Variants in ZNF804B observed in about 807,000 individuals in gnomAD.
ZNF804B encodes the protein zinc finger 804B.
In ZNF804B, 80 loss-of-function variants were observed where a neutral mutation model predicts 101.4. That is an observed-to-expected ratio of 0.79 (90% CI 0.66 to 0.95). The LOEUF (loss-of-function observed/expected upper bound fraction) is 0.95, where lower values mean the gene tolerates loss of function less well. Among genes scored for constraint, ZNF804B ranks in the 40% least tolerant of loss-of-function variants. The pLI is 0.00. For missense variants in ZNF804B, 1,673 were observed against 1,561.9 expected (o/e 1.07, Z -1.20); for synonymous variants, 622 against 558.8 (o/e 1.11, Z -1.59).
chr7:89,280,134 T>C (rs1186231062), intron 2 of ZNF804B, among the ~76,000 whole-genome samples: 1 of 152,164 alleles, frequency 6.6e-6, no homozygotes, highest in African/African-American at 2.4e-5. Flanking sequence ...ACATGGAAAC[T>C]GAACAACCTG....
intron 1 of ZNF804B, among the ~76,000 whole-genome samples, chr7:89,043,892 T>C (rs902354706): frequency 2.4e-4 from 36 of 152,138 alleles, no homozygotes; most frequent in African/African-American, 8.2e-4. Flanking sequence ...TATTAAGAGA[T>C]ATCAGGAGCT....
intron 1 of ZNF804B, among the ~76,000 whole-genome samples, chr7:88,996,945 G>A (rs1788209468): frequency 6.6e-6 from 1 of 151,984 alleles, no homozygotes; most frequent in South Asian, 2.1e-4. Flanking sequence ...AGATGGACAC[G>A]GTAAAAGTTA....
chr7:88,852,788 A>C (rs1317475546), intron 1 of ZNF804B, among the ~76,000 whole-genome samples: 1 of 152,124 alleles, frequency 6.6e-6, no homozygotes, highest in African/African-American at 2.4e-5. Flanking sequence ...GCAAATTCAC[A>C]CATCTAGTAA....
chr7:88,919,765 T>A (rs1792692315), intron 1 of ZNF804B, among the ~76,000 whole-genome samples: 1 of 152,136 alleles, frequency 6.6e-6, no homozygotes, highest in Non-Finnish European at 1.5e-5. Context: ...ATTTCCCTAC[T>A]GTAATAATTC....
At chr7:89,223,004 G>A (rs1468508223) in intron 2 of ZNF804B, among the ~76,000 whole-genome samples, 2 of 151,830 alleles carry the variant, frequency 1.3e-5, no homozygotes, top group East Asian at 1.9e-4. Flanking sequence ...GAGTTACACT[G>A]AAGTAAATCA....
intron 1 of ZNF804B, among the ~76,000 whole-genome samples, chr7:88,812,949 C>CAAAAAAAA (rs1054434393): frequency 7.7e-6 from 1 of 129,730 alleles, no homozygotes. Context: ...TTCTATTTTG[C>CAAAAAAAA]AAAAAAAAAA....
intron 2 of ZNF804B, among the ~76,000 whole-genome samples, chr7:89,272,692 G>C (rs999958911): frequency 1.3e-5 from 2 of 152,068 alleles, no homozygotes; most frequent in African/African-American, 4.8e-5. Context: ...GCAAGTCTCA[G>C]AGAGTTGGAG....
rs912866887 is a variant in ZNF804B at position 89,220,055 on chromosome 7, A to G, written c.249+1760A>G. Among the ~76,000 whole-genome samples, 328 of 120,176 alleles carry G rather than the reference A, an allele frequency of 2.7e-3. 30 individuals carry two copies. The highest frequency in any genetic ancestry group is 5.4e-3 in the East Asian group (26 of 4,844). 78.8% of individuals were successfully genotyped at this position (120,176 alleles called of 152,430 possible). ...TACGCACATATATGTGCATATATAC[A>G]TATATACGCACATATATGTGTATAT... On this transcript the variant is annotated intron_variant, in intron 2 of 3. Transcript: ENST00000333190.
At chr7:88,835,019 A>T (rs909252115) in intron 1 of ZNF804B, among the ~76,000 whole-genome samples, 3 of 151,828 alleles carry the variant, frequency 2.0e-5, no homozygotes, top group Admixed American at 1.3e-4. Context: ...GAACTTTCAG[A>T]GGTCTCCTAC....
chr7:88,882,269 A>G (rs1792053668), intron 1 of ZNF804B, among the ~76,000 whole-genome samples: 1 of 152,208 alleles, frequency 6.6e-6, no homozygotes, highest in Non-Finnish European at 1.5e-5. Flanking sequence ...AATATATTAA[A>G]AAATGCTCAA....
chr7:89,266,286 G>T (rs1376712666), intron 2 of ZNF804B, among the ~76,000 whole-genome samples: 1 of 151,810 alleles, frequency 6.6e-6, no homozygotes, highest in African/African-American at 2.4e-5. Flanking sequence ...CTCATCATCA[G>T]CCAGCTATGA....
chr7:88,996,509 G>A (rs1264066637), intron 1 of ZNF804B, among the ~76,000 whole-genome samples: 1 of 151,982 alleles, frequency 6.6e-6, no homozygotes, highest in Non-Finnish European at 1.5e-5. Flanking sequence ...TTTCTCAAGA[G>A]GTTATCAGCT....
At chr7:89,251,673 G>A (rs776395292) in intron 2 of ZNF804B, among the ~76,000 whole-genome samples, 8 of 151,828 alleles carry the variant, frequency 5.3e-5, no homozygotes, top group South Asian at 2.1e-4. Context: ...TAACCAAAAC[G>A]GTATGGTATT....
At chr7:89,175,939 T>C (rs1213656642) in intron 1 of ZNF804B, among the ~76,000 whole-genome samples, 1 of 152,050 alleles carries the variant, frequency 6.6e-6, no homozygotes, top group East Asian at 1.9e-4. Flanking sequence ...AATTTGTTGA[T>C]TAGTTCTAAT....
intron 2 of ZNF804B, among the ~76,000 whole-genome samples, chr7:89,286,823 A>G (rs1790206142): frequency 6.6e-6 from 1 of 152,228 alleles, no homozygotes; most frequent in African/African-American, 2.4e-5. Context: ...TTGATACTAA[A>G]TAAAAATATT....
chr7:88,839,598 C>T (rs1475080813), intron 1 of ZNF804B, among the ~76,000 whole-genome samples: 2 of 151,660 alleles, frequency 1.3e-5, no homozygotes, highest in Non-Finnish European at 2.9e-5. Flanking sequence ...TAATTAGATC[C>T]ATCTATAAGC....
At chr7:88,877,876 G>A (rs1051777270) in intron 1 of ZNF804B, among the ~76,000 whole-genome samples, 1 of 152,030 alleles carries the variant, frequency 6.6e-6, no homozygotes, top group Non-Finnish European at 1.5e-5. Context: ...GTGATAATAT[G>A]TTACTCGTTT....
chr7:88,996,276 A>T (rs1178974976), intron 1 of ZNF804B, among the ~76,000 whole-genome samples: 1 of 152,146 alleles, frequency 6.6e-6, no homozygotes, highest in Non-Finnish European at 1.5e-5. Context: ...GCATAGAAAT[A>T]GTGACCCTAT....
chr7:89,112,967 C>T (rs1790243332), intron 1 of ZNF804B, among the ~76,000 whole-genome samples: 1 of 152,162 alleles, frequency 6.6e-6, no homozygotes, highest in Non-Finnish European at 1.5e-5. Context: ...ATATGGAATA[C>T]AGGGGCCTGG....
Sources: gnomAD v4.1 joint callset for allele counts (sites outside exome capture counted in the v4.1 genomes callset) on GRCh38, gnomAD v4.1.1 for gene constraint, MANE v1.5 for transcripts, NCBI Gene and HGNC (gene_info 2026-07-23, HGNC 2026-07-21) for gene names.